CHRM3: variants seen among roughly 807,000 people sequenced by gnomAD.
CHRM3 encodes the protein muscarinic acetylcholine receptor M3.
CHRM3 carries 11 observed loss-of-function variants against 41.8 expected under a neutral mutation model. That is an observed-to-expected ratio of 0.26 (90% CI 0.17 to 0.44). CHRM3 has a LOEUF of 0.44. Ranked by LOEUF, CHRM3 falls within the 20% of genes least tolerant of loss-of-function variation. CHRM3 has a pLI of 1.00. For synonymous variants in CHRM3, 297 were observed against 301.4 expected (o/e 0.99, Z 0.15); for missense variants, 571 against 745.4 (o/e 0.77, Z 2.72).
chr1:239,868,022 C>T (rs555540343), intron 6 of CHRM3, among the ~76,000 whole-genome samples: 42 of 152,300 alleles, frequency 2.8e-4, no homozygotes, highest in Middle Eastern at 3.4e-3. Flanking sequence ...GAGCATAAAA[C>T]GGGACCAAAG....
chr1:239,397,784 A>G (rs1659623176), intron 1 of CHRM3, among the ~76,000 whole-genome samples: 1 of 148,990 alleles, frequency 6.7e-6, no homozygotes, highest in African/African-American at 2.4e-5. Flanking sequence ...AAATGTTGTA[A>G]AAGATATACC....
intron 6 of CHRM3, among the ~76,000 whole-genome samples, chr1:239,893,953 C>A (rs1041610363): frequency 6.6e-6 from 1 of 152,016 alleles, no homozygotes; most frequent in Non-Finnish European, 1.5e-5. Context: ...CTTTCTTCAC[C>A]TCCTCCACTT....
chr1:239,782,190 T>C (rs913890956), intron 5 of CHRM3, among the ~76,000 whole-genome samples: 31 of 152,212 alleles, frequency 2.0e-4, no homozygotes, highest in African/African-American at 7.5e-4. Context: ...ATTGGTGTAA[T>C]TTTTCTTTAA....
intron 4 of CHRM3, among the ~76,000 whole-genome samples, chr1:239,674,378 C>T (rs1210582489): frequency 6.6e-6 from 1 of 152,028 alleles, no homozygotes; most frequent in Non-Finnish European, 1.5e-5. Flanking sequence ...AGTTAATGTA[C>T]ATTGTACTTA....
chr1:239,551,732 A>G (rs533346015), intron 3 of CHRM3, among the ~76,000 whole-genome samples: 11 of 152,294 alleles, frequency 7.2e-5, no homozygotes, highest in African/African-American at 2.4e-4. Flanking sequence ...CTGTAGACCA[A>G]TTGTATACAG....
chr1:239,688,268 T>A (rs1370093961), intron 5 of CHRM3, among the ~76,000 whole-genome samples: 2 of 147,582 alleles, frequency 1.4e-5, no homozygotes, highest in African/African-American at 4.9e-5. Context: ...ATATAATACA[T>A]ATATACACAT....
At chr1:239,486,205 G>A (rs1466932241) in intron 1 of CHRM3, among the ~76,000 whole-genome samples, 2 of 152,152 alleles carry the variant, frequency 1.3e-5, no homozygotes. Flanking sequence ...TATTGATCAT[G>A]CCCTCTAGCA....
chr1:239,425,311 ATCAC>A (rs1662281481), intron 1 of CHRM3, among the ~76,000 whole-genome samples: 1 of 152,138 alleles, frequency 6.6e-6, no homozygotes, highest in Admixed American at 6.6e-5. Context: ...TATTCATTGA[ATCAC>A]TCATTCATTC....
In CHRM3 at chr1:239,545,683, G is replaced by A. The variant is rs898074085; in HGVS notation, c.-379G>A. 1 of 152,108 alleles carries A rather than the reference G, an allele frequency of 6.6e-6. No individual in the cohort carries two copies. The highest frequency in any genetic ancestry group is 2.1e-4 in the South Asian group (1 of 4,830). The allele number at this position is 152,108 out of a possible 1,614,324, so 9.4% of individuals were successfully genotyped here. The stretch of plus-strand genomic sequence containing the variant: ...ACATATTTTGGTTATGAGTCACTCA[G>A]AGGACTGTGGATTGAATGAACTGTA... On this transcript the variant is annotated 5_prime_UTR_variant, in exon 3 of 7. Transcript: ENST00000676153.
chr1:239,769,776 G>T (rs560372881), intron 5 of CHRM3, among the ~76,000 whole-genome samples: 83 of 152,200 alleles, frequency 5.5e-4, no homozygotes, highest in African/African-American at 1.9e-3. Flanking sequence ...AGCTATATGG[G>T]AGGTTGAGGC....
rs201132730 is a variant in CHRM3, at chr1:239,908,424, G to A, written c.973G>A (p.Glu325Lys). The change falls in exon 7 of 7, where the codon GAG (glutamate) becomes AAG (lysine). Residue 325 changes from glutamate (E) to lysine (K), a missense_variant. Coordinates refer to ENST00000676153, the MANE Select transcript of CHRM3 (RefSeq NM_001375978.1). The surrounding 1 kb of genome is among the most constrained non-coding windows in gnomAD (Gnocchi z 7.2). ...AACCAAGAGCTGGAAACCCAGCTCC[G>A]AGCAGATGGACCAAGACCACAGCAG... is the stretch of plus-strand genomic sequence containing the variant. Reference protein sequence around the residue: ...FTTKSWKPSSEQMDQDHSSSD... With the variant: ...FTTKSWKPSSKQMDQDHSSSD... 35 of 1,613,842 alleles carry A rather than the reference G, an allele frequency of 2.2e-5. No individual in the cohort carries two copies. The highest frequency in any genetic ancestry group is 7.7e-5 in the South Asian group (7 of 91,068).
chr1:239,782,784 AC>A (rs1195918264), intron 5 of CHRM3, among the ~76,000 whole-genome samples: 1 of 152,134 alleles, frequency 6.6e-6, no homozygotes, highest in Non-Finnish European at 1.5e-5. Flanking sequence ...GTTTTGCTGC[AC>A]CACACAAGTT....
chr1:239,675,461 G>T (rs1473051463), intron 4 of CHRM3, among the ~76,000 whole-genome samples: 1 of 152,172 alleles, frequency 6.6e-6, no homozygotes, highest in East Asian at 1.9e-4. Flanking sequence ...TGCAAGACAA[G>T]ACCATTGCTA....
At chr1:239,874,258 C>A (rs1676839625) in intron 6 of CHRM3, among the ~76,000 whole-genome samples, 2 of 29,680 alleles carry the variant, frequency 6.7e-5, no homozygotes, top group African/African-American at 1.4e-4. Flanking sequence ...ATATATATAG[C>A]AAGACCTATA....
chr1:239,581,840 CTT>C (rs534859657), intron 3 of CHRM3, among the ~76,000 whole-genome samples: 90 of 152,262 alleles, frequency 5.9e-4, no homozygotes, highest in African/African-American at 1.9e-3. Flanking sequence ...TGTCTTACCA[CTT>C]TGCTTTTCTG....
intron 5 of CHRM3, among the ~76,000 whole-genome samples, chr1:239,736,334 G>A (rs1480301479): frequency 1.3e-5 from 2 of 151,866 alleles, no homozygotes; most frequent in African/African-American, 4.8e-5. Context: ...AGGACAAATA[G>A]TTTGTTATTA....
intron 5 of CHRM3, among the ~76,000 whole-genome samples, chr1:239,788,421 G>A (rs1368953422): frequency 6.6e-6 from 1 of 152,032 alleles, no homozygotes; most frequent in East Asian, 1.9e-4. Context: ...TCCTTCCAGT[G>A]TCTTCTAAGG....
At chr1:239,809,223 T>A (rs559465765) in intron 5 of CHRM3, among the ~76,000 whole-genome samples, 2 of 151,826 alleles carry the variant, frequency 1.3e-5, no homozygotes, top group Non-Finnish European at 2.9e-5. Context: ...GGTTTCACCA[T>A]GTTAGCCAGG....
chr1:239,807,326 G>T (rs1199704781), intron 5 of CHRM3, among the ~76,000 whole-genome samples: 1 of 152,154 alleles, frequency 6.6e-6, no homozygotes, highest in Non-Finnish European at 1.5e-5. Flanking sequence ...ACTATGGCAA[G>T]AATAATGTTT....
Sources: allele counts gnomAD v4.1 joint callset (sites outside exome capture counted in the v4.1 genomes callset), GRCh38; gene constraint gnomAD v4.1.1; non-coding constraint Gnocchi (gnomAD v3.1); transcripts MANE v1.5; gene names NCBI Gene and HGNC (gene_info 2026-07-23, HGNC 2026-07-21).